The following DDX25 variants were observed in gnomAD, a reference collection of about 807,000 sequenced individuals.
DDX25 encodes DEAD-box helicase 25, also known as ATP-dependent RNA helicase DDX25.
DDX25 carries 70 observed loss-of-function variants against 64.6 expected under a neutral mutation model. The ratio of observed to expected loss-of-function variants is 1.08; its 90% CI spans 0.89 to 1.32. The LOEUF is 1.32. DDX25 is among the 40% of genes most tolerant of loss of function. The pLI is 0.00. For missense variants in DDX25, 587 were observed against 604.4 expected (o/e 0.97, Z 0.30); for synonymous variants, 211 against 213.3 (o/e 0.99, Z 0.09).
intron 6 of DDX25, among the ~76,000 whole-genome samples, chr11:125,909,561 T>G (rs1232414200): frequency 6.6e-6 from 1 of 151,970 alleles, no homozygotes; most frequent in East Asian, 1.9e-4. Context: ...ATGTATTATA[T>G]TATGTTATAT....
chr11:125,919,809 G>T (rs1387032227), intron 10 of DDX25, among the ~76,000 whole-genome samples: 1 of 152,170 alleles, frequency 6.6e-6, no homozygotes, highest in Non-Finnish European at 1.5e-5. Flanking sequence ...ATTCAACAGA[G>T]CTTTCTGCAG....
chr11:125,917,282 C>A, intron 9 of DDX25, 31 bp downstream of exon 9: 1 of 1,561,408 alleles, frequency 6.4e-7, no homozygotes. Context: ...TTCATCGAGC[C>A]CAGATATGCC....
chr11:125,922,933 A>T lies in DDX25; in HGVS notation c.*52A>T, dbSNP rs1179831826. On this transcript the variant is annotated 3_prime_UTR_variant, in exon 12 of 12. Coordinates refer to ENST00000263576, the MANE Select transcript of DDX25 (RefSeq NM_013264.5). The stretch of plus-strand genomic sequence containing the variant: ...ATCCTAGTTTATGTGAGAATGTCTC[A>T]GTGGGTTTTGAAGGTAATTTTTTTA... 6.6e-7 allele frequency: 1 copy of T among 1,522,540 alleles called. No homozygotes were observed. Among genetic ancestry groups the T allele is most frequent in the Admixed American group, 2.0e-5 (1 of 48,876 alleles). 94.3% of individuals were successfully genotyped at this position (1,522,540 alleles called of 1,614,324 possible).
At chr11:125,913,090 G>A (rs371248502) in intron 8 of DDX25, among the ~76,000 whole-genome samples, 6 of 151,302 alleles carry the variant, frequency 4.0e-5, no homozygotes, top group South Asian at 4.2e-4. Flanking sequence ...CCCGGGAGGC[G>A]GAGCTTGCAG....
chr11:125,905,403 C>T, intron 2 of DDX25, 125 bp downstream of exon 2: 1 of 1,333,462 alleles, frequency 7.5e-7, no homozygotes, highest in Non-Finnish European at 1.0e-6. Context: ...CTCTCCATTA[C>T]CTTCCCAATC....
In DDX25 at chr11:125,921,557, C is replaced by T; in HGVS notation, c.1390+178C>T. ...ATATGAGACAGATGATTAAATAATG[C>T]TTATATGGTAATTAAAAATTATTTT... On this transcript the variant is annotated intron_variant, in intron 11 of 11. Transcript: ENST00000263576. The surrounding 1 kb of genome is among the most constrained non-coding windows in gnomAD (Gnocchi z 4.1). 1 of 650,444 alleles carries T rather than the reference C, an allele frequency of 1.5e-6. No individual in the cohort carries two copies. Among genetic ancestry groups the T allele is most frequent in the Non-Finnish European group, 2.5e-6 (1 of 401,736 alleles). 40.3% of individuals were successfully genotyped at this position (650,444 alleles called of 1,614,324 possible). A position where few individuals can be genotyped will look rare whatever the true frequency, so the allele number is the denominator to read the frequency against.
At position 125,925,765 on chromosome 11, in the gene DDX25, T is replaced by C. The variant is rs1945161483; in HGVS notation, c.*2884T>C. The C allele has an allele frequency of 4.8e-6, 1 of 209,556 alleles. No homozygotes were observed. Among genetic ancestry groups the C allele is most frequent in the Non-Finnish European group, 1.0e-5 (1 of 99,742 alleles). 13.0% of individuals were successfully genotyped at this position (209,556 alleles called of 1,614,324 possible). ...CTCGCATGGAACACGGCTGCTATGA[T>C]GTTAGGTGCTGGATCTAAGGCAACC... On this transcript the variant is annotated 3_prime_UTR_variant, in exon 12 of 12. Coordinates refer to ENST00000263576, the MANE Select transcript of DDX25 (RefSeq NM_013264.5).
Position 125,921,343 on chromosome 11 carries a change from G to A in DDX25, c.1354G>A (p.Glu452Lys), listed in dbSNP as rs950130170. The change falls in exon 11 of 12, where the codon GAG becomes AAG. Residue 452 changes from glutamate to lysine, a missense_variant. By Grantham distance (56) the Glu-to-Lys change is moderately conservative. Transcript: ENST00000263576. This position sits in a 1 kb window ranked among gnomAD's most constrained non-coding sequence, Gnocchi z 4.1. ...TGCCTTCAACATGATTGAAGTAGAT[G>A]AGCTGCCCTCGCTCATGAAAATCCA... ...GLAFNMIEVD[E>K]LPSLMKIQDH... 1.2e-6 allele frequency: 2 copies of A among 1,613,760 alleles called. No individual in the cohort carries two copies. Among genetic ancestry groups the A allele is most frequent in the Middle Eastern group, 1.6e-4 (1 of 6,082 alleles).
At chr11:125,906,234 TG>T in intron 4 of DDX25, 25 bp downstream of exon 4, 1 of 1,520,336 alleles carries the variant, frequency 6.6e-7, no homozygotes, top group Admixed American at 2.4e-5. Context: ...TCTTTTAATA[TG>T]GGAAAAATGC....
In DDX25 at chr11:125,922,856, A is replaced by G; in HGVS notation, c.1427A>G (p.Asp476Gly). The G allele has an allele frequency of 6.2e-7, 1 of 1,609,638 alleles. No individual in the cohort carries two copies. Among genetic ancestry groups the G allele is most frequent in the Non-Finnish European group, 8.5e-7 (1 of 1,177,622 alleles). The part of the protein sequence containing the change: ...SIKQLNAEDM[D>G]EIEKIDY Reference sequence around the variant, plus strand: ...AAGCAACTCAACGCTGAAGACATGGATGAAATTGAAAAGATTGACTATTGA... The same window carrying G: ...AAGCAACTCAACGCTGAAGACATGGGTGAAATTGAAAAGATTGACTATTGA... The change falls in exon 12 of 12, where the codon GAT becomes GGT. Residue 476 changes from aspartate to glycine, a missense_variant. Asp to Gly is a moderately conservative substitution (Grantham distance 94). Transcript: ENST00000263576.
At chr11:125,907,961 C>G (rs1288324775) in intron 4 of DDX25, among the ~76,000 whole-genome samples, 1 of 152,148 alleles carries the variant, frequency 6.6e-6, no homozygotes, top group African/African-American at 2.4e-5. Context: ...TGACTTAAGG[C>G]CTTTACCACT....
At chr11:125,912,398 G>T (rs192615266) in intron 8 of DDX25, among the ~76,000 whole-genome samples, 4 of 152,208 alleles carry the variant, frequency 2.6e-5, no homozygotes, top group Admixed American at 2.6e-4. Context: ...GCCAAACAGC[G>T]TATTATTATA....
At chr11:125,913,097 G>A (rs1444187987) in intron 8 of DDX25, among the ~76,000 whole-genome samples, 3 of 150,512 alleles carry the variant, frequency 2.0e-5, no homozygotes, top group African/African-American at 7.4e-5. Context: ...GGCGGAGCTT[G>A]CAGTGAGCCG....
chr11:125,927,642 G>A lies in DDX25; in HGVS notation c.*4761G>A, dbSNP rs1354948598. 2 of 152,136 alleles carry A rather than the reference G, an allele frequency of 1.3e-5. No individual in the cohort carries two copies. Among genetic ancestry groups the A allele is most frequent in the Non-Finnish European group, 2.9e-5 (2 of 68,030 alleles). The allele number at this position is 152,136 out of a possible 1,614,324, so 9.4% of individuals were successfully genotyped here. On this transcript the variant is annotated 3_prime_UTR_variant, in exon 12 of 12. Transcript: ENST00000263576. ...GGTACTGCCTCACTCCAGCTCCTTA[G>A]TGTGTGATCATGGCTTGAAATCTCT...
At chr11:125,920,715 T>C (rs1388833322) in intron 10 of DDX25, among the ~76,000 whole-genome samples, 1 of 152,030 alleles carries the variant, frequency 6.6e-6, no homozygotes, top group African/African-American at 2.4e-5. Context: ...GAGAAACCAG[T>C]CTGGAAGTTG....
chr11:125,904,740 G>C, intron 1 of DDX25, 160 bp downstream of exon 1: 1 of 893,196 alleles, frequency 1.1e-6, no homozygotes, highest in Non-Finnish European at 1.7e-6. Flanking sequence ...GGCCACAGAG[G>C]GAGACCCCGT....
chr11:125,912,954 G>A (rs1278360076), intron 8 of DDX25, among the ~76,000 whole-genome samples: 16 of 151,912 alleles, frequency 1.1e-4, no homozygotes, highest in Admixed American at 5.9e-4. Flanking sequence ...CCAGGAGATC[G>A]AGACCATCCT....
rs1436923352 is a variant in DDX25, at chr11:125,924,683, T to G, written c.*1802T>G. 1 of 152,290 alleles carries G rather than the reference T, an allele frequency of 6.6e-6. No individual in the cohort carries two copies. The highest frequency in any genetic ancestry group is 1.5e-5 in the Non-Finnish European group (1 of 68,082). The allele number at this position is 152,290 out of a possible 1,614,324, so 9.4% of individuals were successfully genotyped here. A position where few individuals can be genotyped will look rare whatever the true frequency, so the allele number is the denominator to read the frequency against. ...AAAAAAATACAGATTTCCTTCCCCATGCAGATGAAAGCAGACTCTCCGAGG... is the reference window on the plus strand; with the variant it reads ...AAAAAAATACAGATTTCCTTCCCCAGGCAGATGAAAGCAGACTCTCCGAGG... On this transcript the variant is annotated 3_prime_UTR_variant, in exon 12 of 12. Coordinates refer to ENST00000263576, the MANE Select transcript of DDX25 (RefSeq NM_013264.5).
At chr11:125,903,347 C>T (rs578151432), upstream of DDX25, 1 of 495,954 alleles carries the variant, frequency 2.0e-6, no homozygotes, top group Non-Finnish European at 2.6e-6. Context: ...ACCGTTTCTC[C>T]GCCCACAGGG....
Sources: allele counts gnomAD v4.1 joint callset (sites outside exome capture counted in the v4.1 genomes callset), GRCh38; gene constraint gnomAD v4.1.1; non-coding constraint Gnocchi (gnomAD v3.1); transcripts MANE v1.5; gene names NCBI Gene and HGNC (gene_info 2026-07-23, HGNC 2026-07-21).